Variants in DLG2 observed in about 807,000 individuals in gnomAD.
The protein encoded by DLG2 is discs large MAGUK scaffold protein 2.
In DLG2, 45 loss-of-function variants were observed where a neutral mutation model predicts 132.5. That is an observed-to-expected ratio of 0.34 (90% confidence interval 0.27 to 0.44). DLG2 has a LOEUF of 0.44. DLG2 is among the 20% of genes least tolerant of loss of function. DLG2 has a pLI of 1.00. For missense variants in DLG2, 1,045 were observed against 1,196.9 expected (o/e 0.87, Z 1.87); for synonymous variants, 424 against 419.6 (o/e 1.01, Z -0.13).
intron 6 of DLG2, among the ~76,000 whole-genome samples, chr11:84,669,059 G>A (rs187261298): frequency 1.4e-3 from 220 of 152,206 alleles, no homozygotes; most frequent in Non-Finnish European, 2.5e-3. Flanking sequence ...AAATAACACA[G>A]GATATGGGAC....
At chr11:85,163,339 G>A (rs1159160233) in intron 4 of DLG2, among the ~76,000 whole-genome samples, 1 of 151,858 alleles carries the variant, frequency 6.6e-6, no homozygotes, top group African/African-American at 2.4e-5. Flanking sequence ...GATCTCTGGA[G>A]ACAAAATGAC....
At chr11:84,546,349 T>C (rs900790816) in intron 6 of DLG2, among the ~76,000 whole-genome samples, 7 of 152,132 alleles carry the variant, frequency 4.6e-5, no homozygotes, top group African/African-American at 1.4e-4. Flanking sequence ...TCTGCCATGA[T>C]TGAAAGTTTC....
chr11:84,089,312 G>A (rs2097049749), intron 10 of DLG2, among the ~76,000 whole-genome samples: 1 of 152,090 alleles, frequency 6.6e-6, no homozygotes, highest in Non-Finnish European at 1.5e-5. Flanking sequence ...ACCAAGCTGA[G>A]CTTTATCTTT....
chr11:84,376,713 A>T lies in DLG2; in HGVS notation c.520-125422T>A, dbSNP rs182800938. On this transcript the variant is annotated intron_variant, in intron 7 of 27. Coordinates refer to ENST00000376104, the MANE Select transcript of DLG2 (RefSeq NM_001142699.3). ...AAAGCCAAAAACCTAATGGAAAATT[A>T]AAAAAAAAACAACTCATTTCAGCAC... Among the ~76,000 whole-genome samples the T allele has an allele frequency of 2.9e-3, 418 of 145,048 alleles. 2 individuals are homozygous for T. The highest frequency in any genetic ancestry group is 4.4e-3 in the Admixed American group (65 of 14,712).
At chr11:84,833,014 T>C (rs1048063132) in intron 6 of DLG2, among the ~76,000 whole-genome samples, 1 of 151,622 alleles carries the variant, frequency 6.6e-6, no homozygotes, top group African/African-American at 2.4e-5. Context: ...ATTTGGTATG[T>C]TGGACTATGA....
intron 5 of DLG2, among the ~76,000 whole-genome samples, chr11:85,137,920 A>C (rs573633055): frequency 3.3e-5 from 5 of 152,206 alleles, no homozygotes; most frequent in Admixed American, 2.6e-4. Flanking sequence ...AAAAAGACTG[A>C]ATTTTTCAGA....
At chr11:85,398,991 T>C (rs553992103) in intron 3 of DLG2, among the ~76,000 whole-genome samples, 1 of 152,284 alleles carries the variant, frequency 6.6e-6, no homozygotes, top group South Asian at 2.1e-4. Context: ...AGTCAAATTG[T>C]CCCTGTTTGC....
Position 85,593,354 on chromosome 11 carries a change from C to G in DLG2, c.40+5303G>C, listed in dbSNP as rs141351215. On this transcript the variant is annotated intron_variant, in intron 3 of 27. Transcript: ENST00000376104. ...AAATTTTAACATGCCTCAGAATCAC[C>G]TGAAAGGATTAGTAAAGTACCATTT... 7.2e-3 allele frequency among the ~76,000 whole-genome samples: 1,094 copies of G among 152,256 alleles called. 7 individuals are homozygous for G. The highest frequency in any genetic ancestry group is 0.015 in the Admixed American group (233 of 15,278).
At chr11:83,729,477 T>A (rs2090598306) in intron 18 of DLG2, among the ~76,000 whole-genome samples, 1 of 152,204 alleles carries the variant, frequency 6.6e-6, no homozygotes, top group African/African-American at 2.4e-5. Flanking sequence ...AGTCTAATAA[T>A]ACAGGAATTA....
At chr11:85,148,680 T>C (rs2077022059) in intron 5 of DLG2, among the ~76,000 whole-genome samples, 4 of 152,216 alleles carry the variant, frequency 2.6e-5, no homozygotes, top group Admixed American at 1.3e-4. Context: ...TTGCAAAAAT[T>C]TGCCCCCATT....
intron 6 of DLG2, among the ~76,000 whole-genome samples, chr11:84,851,311 A>G (rs1255341968): frequency 6.6e-6 from 1 of 152,092 alleles, no homozygotes; most frequent in African/African-American, 2.4e-5. Flanking sequence ...ATTGTTGCAC[A>G]TATTTTCTGG....
chr11:84,027,513 G>A (rs146321751), intron 11 of DLG2, among the ~76,000 whole-genome samples: 5 of 152,036 alleles, frequency 3.3e-5, no homozygotes, highest in African/African-American at 9.6e-5. Flanking sequence ...AGCTCTTCTT[G>A]CAAAATAGCT....
At chr11:83,907,347 T>C (rs1742630785) in intron 15 of DLG2, among the ~76,000 whole-genome samples, 1 of 152,160 alleles carries the variant, frequency 6.6e-6, no homozygotes, top group Non-Finnish European at 1.5e-5. Flanking sequence ...CTATTTAGTA[T>C]GATAGCAGAA....
At chr11:84,546,383 C>A in intron 6 of DLG2, 2 of 194,786 alleles carry the variant, frequency 1.0e-5, no homozygotes, top group Non-Finnish European at 2.2e-5. Context: ...GGAAGCCCAA[C>A]AGAGGCCAGC....
chr11:84,246,498 A>G (rs1051640348), intron 8 of DLG2, among the ~76,000 whole-genome samples: 4 of 152,228 alleles, frequency 2.6e-5, no homozygotes, highest in Non-Finnish European at 5.9e-5. Flanking sequence ...GCTTAAGAGA[A>G]GCCCTAAAGT....
chr11:83,891,338 G>C lies in DLG2; in HGVS notation c.1497-16850C>G, dbSNP rs538393439. Among the ~76,000 whole-genome samples the C allele has an allele frequency of 2.6e-5, 4 of 152,266 alleles. No homozygotes were observed. In the South Asian group the frequency reaches 8.3e-4, roughly 32 times the overall value. On this transcript the variant is annotated intron_variant, in intron 15 of 27. Transcript: ENST00000376104. ...AAGAAGGCATGTCAGCCAAAAACGG[G>C]AGCAAGGAGATAGTTTTAGTGGGAA...
chr11:85,266,783 C>A (rs910048671), intron 4 of DLG2, among the ~76,000 whole-genome samples: 5 of 152,136 alleles, frequency 3.3e-5, no homozygotes, highest in Non-Finnish European at 5.9e-5. Flanking sequence ...GCCCACTTTG[C>A]TTTCTTTTAC....
At chr11:84,311,846 A>C (rs371185787) in intron 7 of DLG2, among the ~76,000 whole-genome samples, 5 of 152,332 alleles carry the variant, frequency 3.3e-5, no homozygotes, top group Admixed American at 2.6e-4. Context: ...CACAGGCACC[A>C]AGGTGTTACA....
At chr11:84,739,381 A>G (rs1163301934) in intron 6 of DLG2, among the ~76,000 whole-genome samples, 2 of 152,030 alleles carry the variant, frequency 1.3e-5, no homozygotes, top group African/African-American at 2.4e-5. Context: ...TGAAGTGATG[A>G]CTCCCTACTT....
Sources: gnomAD v4.1 joint callset for allele counts (sites outside exome capture counted in the v4.1 genomes callset) on GRCh38, gnomAD v4.1.1 for gene constraint, MANE v1.5 for transcripts, NCBI Gene and HGNC (gene_info 2026-07-23, HGNC 2026-07-21) for gene names.